NIBAN1: variants seen among roughly 807,000 people sequenced by gnomAD.
NIBAN1 encodes protein Niban 1.
Under a neutral mutation model 75.1 loss-of-function variants are expected in NIBAN1, and 81 were observed. The ratio of observed to expected loss-of-function variants is 1.08; its 90% CI spans 0.90 to 1.30. The LOEUF (loss-of-function observed/expected upper bound fraction) is 1.30, where lower values mean the gene tolerates loss of function less well. NIBAN1 is among the 50% of genes most tolerant of loss of function. NIBAN1 has a pLI of 0.00. For missense variants in NIBAN1, 1,133 were observed against 1,128.1 expected, an observed-to-expected ratio of 1.00 and a Z score of -0.06; for synonymous variants, 436 against 424.8, an observed-to-expected ratio of 1.03 and a Z score of -0.32.
rs1193789000 is a variant in NIBAN1 at position 184,845,871 on chromosome 1, C to G, written c.602-13909G>C. Among the ~76,000 whole-genome samples the G allele has an allele frequency of 3.7e-5, 3 of 82,112 alleles. 1 individual carries two copies. In the East Asian group the frequency reaches 7.9e-4, roughly 21 times the overall value. 53.9% of individuals were successfully genotyped at this position (82,112 alleles called of 152,430 possible). A position where few individuals can be genotyped will look rare whatever the true frequency, so the allele number is the denominator to read the frequency against. ...TCAAAGAAAGGGGTGACGGACGCAC[C>G]TGGAAAATCGGGTCACTCCCACCCG... On this transcript the variant is annotated intron_variant, in intron 5 of 13. Transcript: ENST00000367511.
chr1:184,877,036 A>G (rs759735616), intron 5 of NIBAN1, among the ~76,000 whole-genome samples: 17 of 152,236 alleles, frequency 1.1e-4, no homozygotes, highest in Admixed American at 2.0e-4. Context: ...TTAAACCAGC[A>G]ACAAACAGTA....
At chr1:184,831,348 C>A (rs1387960912) in intron 6 of NIBAN1, among the ~76,000 whole-genome samples, 1 of 152,128 alleles carries the variant, frequency 6.6e-6, no homozygotes, top group Non-Finnish European at 1.5e-5. Flanking sequence ...CAGCTGCGTA[C>A]CAAATACTTC....
intron 1 of NIBAN1, among the ~76,000 whole-genome samples, chr1:184,947,495 T>A (rs1198425438): frequency 1.3e-5 from 2 of 152,202 alleles, no homozygotes; most frequent in East Asian, 1.9e-4. Context: ...GTGAATATAG[T>A]TAATGCTGCT....
At chr1:184,966,099 T>C (rs185968192) in intron 1 of NIBAN1, among the ~76,000 whole-genome samples, 52 of 152,326 alleles carry the variant, frequency 3.4e-4, no homozygotes, top group Admixed American at 8.5e-4. Context: ...GACATTATTA[T>C]AAAAGCTAGG....
At chr1:184,971,973 A>G (rs13373855) in intron 1 of NIBAN1, among the ~76,000 whole-genome samples, 3,060 of 152,324 alleles carry the variant, frequency 0.02, 95 homozygotes, top group African/African-American at 0.069. Context: ...AAACATCCAT[A>G]TGACACAGAT....
intron 1 of NIBAN1, among the ~76,000 whole-genome samples, chr1:184,944,314 G>A (rs11801653): frequency 1.9e-3 from 286 of 152,314 alleles, no homozygotes; most frequent in African/African-American, 6.7e-3. Flanking sequence ...CAGTACTTGG[G>A]TCTTTATGGG....
intron 12 of NIBAN1, 33 bp downstream of exon 12, chr1:184,803,552 G>A (rs1233360194): frequency 1.3e-6 from 2 of 1,553,910 alleles, no homozygotes; most frequent in Non-Finnish European, 1.8e-6. Context: ...GAGGTAAGAA[G>A]AGCAAGCTCT....
Position 184,974,299 on chromosome 1 carries a change from T to C in NIBAN1, c.55+3A>G. On this transcript the variant is annotated splice_donor_region_variant and intron_variant, in intron 1 of 13. Coordinates refer to ENST00000367511, the MANE Select transcript of NIBAN1 (RefSeq NM_052966.4). ...CCCCAGGCCCCCGGGCGGGCGGGCG[T>C]ACCTCGGATGTAAGCGCACTTGCCC... The C allele has an allele frequency of 2.6e-6, 4 of 1,559,734 alleles. No homozygotes were observed. The highest frequency in any genetic ancestry group is 3.4e-6 in the Non-Finnish European group (4 of 1,160,150).
At chr1:184,882,328 A>G (rs988200475) in intron 5 of NIBAN1, among the ~76,000 whole-genome samples, 8 of 152,342 alleles carry the variant, frequency 5.3e-5, no homozygotes, top group African/African-American at 1.7e-4. Context: ...ATGTGACACA[A>G]TAAAGATGAG....
chr1:184,931,821 C>T (rs566979775), intron 1 of NIBAN1, among the ~76,000 whole-genome samples: 8 of 152,290 alleles, frequency 5.3e-5, no homozygotes, highest in African/African-American at 7.2e-5. Context: ...TCATGTGTAG[C>T]GCAGCACAAT....
chr1:184,824,469 C>T (rs1571494799), intron 6 of NIBAN1, among the ~76,000 whole-genome samples: 2 of 152,038 alleles, frequency 1.3e-5, no homozygotes, highest in South Asian at 2.1e-4. Flanking sequence ...TTCTCCACAG[C>T]CAGAACCCAA....
chr1:184,838,065 G>C (rs1220007587), intron 5 of NIBAN1, among the ~76,000 whole-genome samples: 2 of 152,070 alleles, frequency 1.3e-5, no homozygotes, highest in Non-Finnish European at 2.9e-5. Flanking sequence ...TTCTTTTTCT[G>C]ATCTCTAACC....
chr1:184,886,753 C>T (rs533463149), intron 4 of NIBAN1, among the ~76,000 whole-genome samples: 8 of 152,152 alleles, frequency 5.3e-5, no homozygotes, highest in Non-Finnish European at 7.3e-5. Flanking sequence ...GAAGGTCTCT[C>T]TAAGAGGCCA....
rs74357359 is a variant in NIBAN1 at position 184,916,649 on chromosome 1, T to C, written c.56-17340A>G. Reference sequence around the variant, plus strand: ...TTTCCAGGATAAGACTGAAAAGTGTTTGTTCCATTTAATATAACAAAATAA... The same window carrying C: ...TTTCCAGGATAAGACTGAAAAGTGTCTGTTCCATTTAATATAACAAAATAA... On this transcript the variant is annotated intron_variant, in intron 1 of 13. Coordinates refer to ENST00000367511, the MANE Select transcript of NIBAN1 (RefSeq NM_052966.4). Among the ~76,000 whole-genome samples, 1,101 of 152,168 alleles carry C rather than the reference T, an allele frequency of 7.2e-3. 12 individuals carry two copies. The highest frequency in any genetic ancestry group is 8.5e-3 in the Non-Finnish European group (578 of 68,008).
intron 1 of NIBAN1, among the ~76,000 whole-genome samples, chr1:184,940,545 T>A (rs1481818799): frequency 6.6e-6 from 1 of 152,188 alleles, no homozygotes; most frequent in African/African-American, 2.4e-5. Context: ...GATGAAAGCA[T>A]AGTAACAAGT....
chr1:184,885,513 C>T (rs1348933325), intron 4 of NIBAN1, among the ~76,000 whole-genome samples: 1 of 152,116 alleles, frequency 6.6e-6, no homozygotes, highest in Non-Finnish European at 1.5e-5. Context: ...GTCTAAAGAC[C>T]CACAAACGGA....
chr1:184,798,529 T>TA (rs1653941152), intron 12 of NIBAN1, among the ~76,000 whole-genome samples: 1 of 152,186 alleles, frequency 6.6e-6, no homozygotes, highest in African/African-American at 2.4e-5. Context: ...GATTTTTTTT[T>TA]ATCATCTCAA....
chr1:184,818,587 AAC>A (rs1282293305), intron 9 of NIBAN1, 49 bp downstream of exon 9: 2 of 1,473,716 alleles, frequency 1.4e-6, no homozygotes, highest in Non-Finnish European at 1.8e-6. Flanking sequence ...CCCCATGGAA[AAC>A]ACAGCCAGGC....
At chr1:184,950,688 C>A (rs912000122) in intron 1 of NIBAN1, among the ~76,000 whole-genome samples, 3 of 152,090 alleles carry the variant, frequency 2.0e-5, no homozygotes, top group Non-Finnish European at 4.4e-5. Context: ...AGCTGGTTTT[C>A]GATTAGGTTA....
Sources: allele counts gnomAD v4.1 joint callset (sites outside exome capture counted in the v4.1 genomes callset), GRCh38; gene constraint gnomAD v4.1.1; transcripts MANE v1.5; gene names NCBI Gene and HGNC (gene_info 2026-07-23, HGNC 2026-07-21).